Variants in PHF14 observed in about 807,000 individuals in gnomAD.
PHF14 encodes the protein PHD finger protein 14.
In PHF14, 55 loss-of-function variants were observed where a neutral mutation model predicts 117.9. The ratio of observed to expected loss-of-function variants is 0.47; its 90% CI spans 0.38 to 0.58. The LOEUF is 0.58. Among genes scored for constraint, PHF14 ranks in the 20% least tolerant of loss-of-function variants. The probability of loss-of-function intolerance (pLI) is 0.00; values close to 1 mark genes in which losing one functional copy is unlikely to be tolerated. For missense variants in PHF14, 978 were observed against 1,122.2 expected (o/e 0.87, Z 1.84); for synonymous variants, 409 against 368.6 (o/e 1.11, Z -1.26).
chr7:11,129,648 A>T (rs1788034497), intron 17 of PHF14, among the ~76,000 whole-genome samples: 1 of 150,048 alleles, frequency 6.7e-6, no homozygotes, highest in East Asian at 2.0e-4. Flanking sequence ...CCAATATATT[A>T]GCAATAGGAG....
intron 4 of PHF14, among the ~76,000 whole-genome samples, chr7:10,991,839 C>T (rs1782465961): frequency 7.4e-6 from 1 of 135,666 alleles, no homozygotes; most frequent in African/African-American, 2.8e-5. Flanking sequence ...CTCAAGCAAT[C>T]TGCCTGCCTC....
chr7:10,994,416 GCAACAGAGTGAGACTCCGTCT>G (rs1213163068), intron 4 of PHF14, among the ~76,000 whole-genome samples: 1 of 152,190 alleles, frequency 6.6e-6, no homozygotes, highest in Non-Finnish European at 1.5e-5. Context: ...TCCAGTCTGG[GCAACAGAGTGAGACTCCGTCT>G]CAAAAAAAAA....
chr7:11,052,318 T>A (rs1333524978), intron 14 of PHF14, among the ~76,000 whole-genome samples: 1 of 152,216 alleles, frequency 6.6e-6, no homozygotes, highest in Non-Finnish European at 1.5e-5. Context: ...GTAGTTGTAG[T>A]TTATTTATTG....
At chr7:11,095,124 T>C (rs185738263) in intron 16 of PHF14, among the ~76,000 whole-genome samples, 138 of 152,308 alleles carry the variant, frequency 9.1e-4, no homozygotes, top group African/African-American at 3.1e-3. Context: ...ATTGTAGTGA[T>C]AGTAAGAGTG....
intron 17 of PHF14, among the ~76,000 whole-genome samples, chr7:11,132,535 A>G (rs1788118827): frequency 6.6e-6 from 1 of 151,808 alleles, no homozygotes. Flanking sequence ...GGCTATTGTG[A>G]ATAATGCTGC....
intron 16 of PHF14, among the ~76,000 whole-genome samples, chr7:11,086,606 T>C (rs898260294): frequency 4.6e-5 from 7 of 152,184 alleles, no homozygotes; most frequent in Non-Finnish European, 7.3e-5. Flanking sequence ...TCACATAGTA[T>C]GCCCCCAGTA....
chr7:11,076,929 T>C (rs1242427186), intron 16 of PHF14, among the ~76,000 whole-genome samples: 2 of 151,596 alleles, frequency 1.3e-5, no homozygotes, highest in Non-Finnish European at 2.9e-5. Flanking sequence ...TTCTAAGATA[T>C]GTTAGTATCT....
At chr7:11,107,235 ATTGC>A in intron 16 of PHF14, 5 of 979,150 alleles carry the variant, frequency 5.1e-6, no homozygotes, top group Non-Finnish European at 6.1e-6. Context: ...CACCTGACTA[ATTGC>A]TTGTTATATG....
At chr7:11,134,615 C>T (rs1788168315) in intron 17 of PHF14, among the ~76,000 whole-genome samples, 1 of 151,964 alleles carries the variant, frequency 6.6e-6, no homozygotes, top group South Asian at 2.1e-4. Flanking sequence ...GCCACAGGAT[C>T]ACACAACTTT....
At chr7:11,098,833 GA>G (rs1251210397) in intron 16 of PHF14, among the ~76,000 whole-genome samples, 1 of 152,134 alleles carries the variant, frequency 6.6e-6, no homozygotes, top group Non-Finnish European at 1.5e-5. Flanking sequence ...TTGCCACTAA[GA>G]ATGTTTCCTT....
chr7:11,114,458 G>T (rs192381095), intron 17 of PHF14, among the ~76,000 whole-genome samples: 1 of 151,932 alleles, frequency 6.6e-6, no homozygotes. Flanking sequence ...TAGAAATTCC[G>T]TAAGTCTAAT....
chr7:11,160,789 G>A (rs1789000550), intron 17 of PHF14, among the ~76,000 whole-genome samples: 1 of 152,028 alleles, frequency 6.6e-6, no homozygotes, highest in South Asian at 2.1e-4. Context: ...TTTGAATTAA[G>A]TTTCTTGTAG....
chr7:11,035,590 ACT>A, intron 7 of PHF14, 48 bp from the exon 8 acceptor site: 1 of 1,246,362 alleles, frequency 8.0e-7, no homozygotes, highest in Non-Finnish European at 1.1e-6. Flanking sequence ...GTCTTTTATG[ACT>A]CTTGGGAGTA....
Position 11,038,874 on chromosome 7 carries a change from G to T in PHF14, c.2076+19G>T. The T allele has an allele frequency of 8.2e-7, 1 of 1,217,112 alleles. No homozygotes were observed. The highest frequency in any genetic ancestry group is 1.2e-6 in the Non-Finnish European group (1 of 844,244). 75.4% of individuals were successfully genotyped at this position (1,217,112 alleles called of 1,614,324 possible). ...AGGGCAGGTTAGTTTCTTTCCAATT[G>T]CTGTCTCCTTCAGTTCTTGCTCCCT... is the stretch of plus-strand genomic sequence containing the variant. On this transcript the variant is annotated intron_variant, in intron 11 of 17. Transcript: ENST00000634607.
At position 11,165,915 on chromosome 7, in the gene PHF14, C is replaced by T. The variant is rs559856407; in HGVS notation, c.2773-3501C>T. ...AGAATAACTCAGTCTCATATTGCCACCTGGAGTATCAGCCCATTATTAAAT... is the reference window on the plus strand; with the variant it reads ...AGAATAACTCAGTCTCATATTGCCATCTGGAGTATCAGCCCATTATTAAAT... On this transcript the variant is annotated intron_variant, in intron 17 of 17. Coordinates refer to ENST00000634607, the MANE Select transcript of PHF14 (RefSeq NM_001007157.2). Among the ~76,000 whole-genome samples, 44 of 152,250 alleles carry T rather than the reference C, an allele frequency of 2.9e-4. 1 individual carries two copies. The South Asian group carries it at 9.1e-3, about 32-fold the overall frequency.
intron 3 of PHF14, among the ~76,000 whole-genome samples, chr7:10,987,737 CTT>C (rs1408112314): frequency 6.6e-6 from 1 of 152,012 alleles, no homozygotes; most frequent in East Asian, 1.9e-4. Flanking sequence ...AGCTTAACTA[CTT>C]TCTCTGAAAC....
chr7:11,067,957 C>A (rs1296958245), intron 16 of PHF14, among the ~76,000 whole-genome samples: 1 of 152,118 alleles, frequency 6.6e-6, no homozygotes, highest in Non-Finnish European at 1.5e-5. Flanking sequence ...CCCATTAGGA[C>A]CCCCCTAAAG....
intron 2 of PHF14, among the ~76,000 whole-genome samples, chr7:10,976,538 T>C (rs894301597): frequency 6.6e-6 from 1 of 152,130 alleles, no homozygotes; most frequent in African/African-American, 2.4e-5. Flanking sequence ...TATGTGACAA[T>C]AAATCTTGAC....
At chr7:11,158,585 GAGTTGT>G (rs1788930287) in intron 17 of PHF14, among the ~76,000 whole-genome samples, 1 of 152,064 alleles carries the variant, frequency 6.6e-6, no homozygotes, top group Non-Finnish European at 1.5e-5. Flanking sequence ...ACAGCTTGGG[GAGTTGT>G]TTTATTTTTA....
Sources: gnomAD v4.1 joint callset for allele counts (sites outside exome capture counted in the v4.1 genomes callset) on GRCh38, gnomAD v4.1.1 for gene constraint, MANE v1.5 for transcripts, NCBI Gene and HGNC (gene_info 2026-07-23, HGNC 2026-07-21) for gene names.